The following CLASP2 variants were observed in gnomAD, a reference collection of about 807,000 sequenced individuals.
CLASP2 encodes CLIP-associating protein 2.
Under a neutral mutation model 194.4 loss-of-function variants are expected in CLASP2, and 47 were observed. The observed-to-expected ratio is 0.24, with a 90% CI of 0.19 to 0.31. CLASP2 has a LOEUF of 0.31. Among genes scored for constraint, CLASP2 ranks in the 10% least tolerant of loss-of-function variants. The pLI, the probability that CLASP2 is intolerant of heterozygous loss-of-function variation, is 1.00. For missense variants in CLASP2, 1,445 were observed against 1,823.6 expected (o/e 0.79, Z 3.78); for synonymous variants, 619 against 633.5 (o/e 0.98, Z 0.34).
Position 33,535,337 on chromosome 3 carries a change from G to C in CLASP2, c.3683C>G (p.Ser1228Cys). 1 of 1,613,890 alleles carries C rather than the reference G, an allele frequency of 6.2e-7. No homozygotes were observed. The highest frequency in any genetic ancestry group is 1.6e-4 in the Middle Eastern group (1 of 6,062). Residue 1228 changes from serine (S) to cysteine (C), a missense_variant, in exon 34 of 39, where the codon TCT (serine) becomes TGT (cysteine). By Grantham distance (112) the Ser-to-Cys change is moderately radical. Coordinates refer to ENST00000682230, the MANE Select transcript of CLASP2 (RefSeq NM_001365631.1). ...HSMPTHSSPR[S>C]RDYNPYNYSD... ...ATAGTTATATGGATTATAGTCTCGA[G>C]AGCGTGGAGAGGAGTGAGTAGGCAT...
chr3:33,570,026 T>C (rs2063457089), intron 26 of CLASP2, among the ~76,000 whole-genome samples: 1 of 152,190 alleles, frequency 6.6e-6, no homozygotes. Context: ...AAGTCTCCTG[T>C]AGACATTTGG....
At chr3:33,659,096 G>T in intron 7 of CLASP2, 2 of 1,498,502 alleles carry the variant, frequency 1.3e-6, no homozygotes, top group East Asian at 2.5e-5. Context: ...GCAGACACCC[G>T]GAGCACTGTG....
chr3:33,538,531 T>C (rs1379950378), intron 33 of CLASP2, among the ~76,000 whole-genome samples: 1 of 152,126 alleles, frequency 6.6e-6, no homozygotes, highest in Non-Finnish European at 1.5e-5. Flanking sequence ...CACTTTCCTC[T>C]AAAGCACATT....
chr3:33,570,749 A>T lies in CLASP2; in HGVS notation c.2741T>A (p.Met914Lys). 1 of 1,592,556 alleles carries T rather than the reference A, an allele frequency of 6.3e-7. No individual in the cohort carries two copies. The highest frequency in any genetic ancestry group is 8.6e-7 in the Non-Finnish European group (1 of 1,168,928). The change falls in exon 26 of 39, where the codon ATG (methionine) becomes AAG (lysine). Residue 914 changes from methionine to lysine, a missense_variant. Transcript: ENST00000682230. ...LKRLCEIFTR[M>K]FADPHGKRVF... ...TACCTTGCCATGAGGGTCAGCAAAC[A>T]TTCTTGTGAAAATTTCACATAATCT... is the stretch of plus-strand genomic sequence containing the variant.
chr3:33,695,079 T>TA (rs1464939562), intron 2 of CLASP2, among the ~76,000 whole-genome samples: 4 of 150,890 alleles, frequency 2.7e-5, no homozygotes, highest in East Asian at 3.8e-4. Context: ...TTTTTTTTTT[T>TA]AAAGAGATAG....
intron 21 of CLASP2, 45 bp downstream of exon 21, chr3:33,592,350 C>A: frequency 7.6e-7 from 1 of 1,320,892 alleles, no homozygotes; most frequent in Non-Finnish European, 1.1e-6. Context: ...ACACACTTAT[C>A]CTAACATAGT....
chr3:33,524,656 T>TA (rs1315435056), intron 34 of CLASP2, among the ~76,000 whole-genome samples: 3 of 150,762 alleles, frequency 2.0e-5, no homozygotes, highest in African/African-American at 4.9e-5. Flanking sequence ...TGTCTTAGGA[T>TA]AAAAAAAAGA....
chr3:33,550,524 G>A (rs180778691), intron 30 of CLASP2, among the ~76,000 whole-genome samples: 259 of 151,276 alleles, frequency 1.7e-3, no homozygotes, highest in African/African-American at 5.9e-3. Context: ...CAAAACTGGA[G>A]AAAACAACAG....
chr3:33,552,640 T>C (rs1342389521), intron 29 of CLASP2, among the ~76,000 whole-genome samples: 1 of 152,208 alleles, frequency 6.6e-6, no homozygotes, highest in African/African-American at 2.4e-5. Context: ...CACATATACA[T>C]AGTGAAACGT....
Position 33,498,471 on chromosome 3 carries a change from G to A in CLASP2, c.*160C>T. 1.9e-6 allele frequency: 1 copy of A among 518,534 alleles called. No homozygotes were observed. Among genetic ancestry groups the A allele is most frequent in the South Asian group, 3.2e-5 (1 of 31,560 alleles). 32.1% of individuals were successfully genotyped at this position (518,534 alleles called of 1,614,324 possible). ...AAAAGTTACATGCAGACTGAGGATA[G>A]TCCTCTGTTACAGAAAATACAAAAC... On this transcript the variant is annotated 3_prime_UTR_variant, in exon 39 of 39. Transcript: ENST00000682230.
At chr3:33,674,161 C>T (rs1388918584) in intron 6 of CLASP2, among the ~76,000 whole-genome samples, 2 of 152,224 alleles carry the variant, frequency 1.3e-5, no homozygotes, top group Non-Finnish European at 2.9e-5. Flanking sequence ...CACAACACAA[C>T]ACCTATTCCA....
intron 27 of CLASP2, among the ~76,000 whole-genome samples, chr3:33,561,289 G>GC (rs1319258826): frequency 2.0e-5 from 3 of 152,172 alleles, no homozygotes; most frequent in Non-Finnish European, 2.9e-5. Flanking sequence ...AGTGAAATCT[G>GC]TTTTGTGTAA....
At chr3:33,556,396 T>A (rs2060921293) in intron 29 of CLASP2, among the ~76,000 whole-genome samples, 1 of 152,150 alleles carries the variant, frequency 6.6e-6, no homozygotes, top group Admixed American at 6.5e-5. Flanking sequence ...TCCCTGCTAT[T>A]CTAAACACTG....
intron 8 of CLASP2, among the ~76,000 whole-genome samples, chr3:33,634,801 G>T (rs1175773631): frequency 6.6e-6 from 1 of 152,038 alleles, no homozygotes; most frequent in Non-Finnish European, 1.5e-5. Context: ...AATTTTAGTT[G>T]TCTATATAGT....
chr3:33,611,980 A>G (rs2075272804), intron 13 of CLASP2, 21 bp downstream of exon 13: 14 of 1,555,936 alleles, frequency 9.0e-6, no homozygotes, highest in South Asian at 1.1e-5. Flanking sequence ...AACAACAACA[A>G]CAACAAAAAA....
chr3:33,601,117 C>T (rs1202460128), intron 18 of CLASP2, among the ~76,000 whole-genome samples: 1 of 152,032 alleles, frequency 6.6e-6, no homozygotes, highest in African/African-American at 2.4e-5. Flanking sequence ...CGCCACCACG[C>T]CCGGCTAGTT....
At chr3:33,553,358 C>G (rs1476940390) in intron 29 of CLASP2, among the ~76,000 whole-genome samples, 2 of 152,010 alleles carry the variant, frequency 1.3e-5, no homozygotes, top group Admixed American at 1.3e-4. Context: ...GAGAGTACAT[C>G]AAACTAAAAA....
In CLASP2 at chr3:33,632,368, G is replaced by C. The variant is rs745354490; in HGVS notation, c.866C>G (p.Ala289Gly). The change falls in exon 9 of 39, where the codon GCT becomes GGT. Residue 289 changes from alanine (A) to glycine (G), a missense_variant. Ala to Gly is a moderately conservative substitution (Grantham distance 60). This residue lies in a region of CLASP2 where 207 missense variants were observed against 331.4 expected (regional missense o/e 0.62). Coordinates refer to ENST00000682230, the MANE Select transcript of CLASP2 (RefSeq NM_001365631.1). ...TGCTCCAGCACCTCCTTCCTTAGAA[G>C]CACCTGCTAATTAAAAGGAAATTAA... ...GSAGGPKVGGASKEGGAGAVD... is the reference protein window; with the variant it reads ...GSAGGPKVGGGSKEGGAGAVD... 41 of 1,591,454 alleles carry C rather than the reference G, an allele frequency of 2.6e-5. No homozygotes were observed. The highest frequency in any genetic ancestry group is 1.7e-4 in the Middle Eastern group (1 of 6,024).
intron 17 of CLASP2, 63 bp from the exon 18 acceptor site, chr3:33,603,188 T>C: frequency 1.4e-6 from 2 of 1,451,716 alleles, no homozygotes; most frequent in African/African-American, 1.4e-5. Flanking sequence ...GAAAATTATA[T>C]AAACCTGACC....
Sources: gnomAD v4.1 joint callset for allele counts (sites outside exome capture counted in the v4.1 genomes callset) on GRCh38, gnomAD v4.1.1 for gene constraint, gnomAD v4.1.1 regional missense constraint, MANE v1.5 for transcripts, NCBI Gene and HGNC (gene_info 2026-07-23, HGNC 2026-07-21) for gene names.